The following SLC7A2 variants were observed in gnomAD, a reference collection of about 807,000 sequenced individuals.
SLC7A2 encodes the protein cationic amino acid transporter 2.
A neutral mutation model predicts 58.9 loss-of-function variants in SLC7A2; 48 were observed. That is an observed-to-expected ratio of 0.82 (90% CI 0.65 to 1.04). The LOEUF is 1.04. Among genes scored for constraint, SLC7A2 ranks in the 50% least tolerant of loss-of-function variants. The pLI, the probability that SLC7A2 is intolerant of heterozygous loss-of-function variation, is 0.00. For missense variants in SLC7A2, 1,029 were observed against 818.8 expected (o/e 1.26, Z -3.13); for synonymous variants, 363 against 314.5 (o/e 1.15, Z -1.63).
chr8:17,538,671 G>A, intron 2 of SLC7A2: 3 of 730,232 alleles, frequency 4.1e-6, no homozygotes, highest in Non-Finnish European at 4.2e-6. Flanking sequence ...TAACATTGTA[G>A]AAACGTTGGG....
chr8:17,519,396 T>C (rs1800927305), intron 2 of SLC7A2, among the ~76,000 whole-genome samples: 1 of 152,170 alleles, frequency 6.6e-6, no homozygotes, highest in Non-Finnish European at 1.5e-5. Flanking sequence ...TTATCAGAAC[T>C]CTTCTGAAAT....
intron 2 of SLC7A2, among the ~76,000 whole-genome samples, chr8:17,509,112 T>C (rs921966907): frequency 1.3e-5 from 2 of 152,136 alleles, no homozygotes; most frequent in Admixed American, 1.3e-4. Context: ...AATTGAAAGT[T>C]CGAGTCATCT....
intron 2 of SLC7A2, among the ~76,000 whole-genome samples, chr8:17,538,092 G>A (rs1283621193): frequency 1.3e-5 from 2 of 152,170 alleles, no homozygotes; most frequent in Non-Finnish European, 2.9e-5. Flanking sequence ...TTTGTTGAAT[G>A]TCTTTGGGAA....
chr8:17,543,530 C>G lies in SLC7A2; in HGVS notation c.191C>G (p.Ser64Trp). The G allele has an allele frequency of 6.2e-7, 1 of 1,613,246 alleles. No homozygotes were observed. Among genetic ancestry groups the G allele is most frequent in the Non-Finnish European group, 8.5e-7 (1 of 1,179,552 alleles). The change falls in exon 3 of 13, where the codon TCG (serine) becomes TGG (tryptophan). Residue 64 changes from serine to tryptophan, a missense_variant. Ser to Trp is a radical substitution (Grantham distance 177, BLOSUM62 -3). Transcript: ENST00000494857. ...VLAGEVAKADSGPSIVVSFLI... is the reference protein window; with the variant it reads ...VLAGEVAKADWGPSIVVSFLI... Reference sequence around the variant, plus strand: ...GCTGGGGAGGTGGCCAAGGCAGACTCGGGCCCCAGCATCGTGGTGTCCTTC... The same window carrying G: ...GCTGGGGAGGTGGCCAAGGCAGACTGGGGCCCCAGCATCGTGGTGTCCTTC...
rs1469206812 is a variant in SLC7A2 at position 17,540,783 on chromosome 8, A to C, written c.-22-2535A>C. ...TTTTTCTTTAGAAATTTCACAAATA[A>C]CATCATAATCACAGTACCAGGAAAA... On this transcript the variant is annotated intron_variant, in intron 2 of 12. Transcript: ENST00000494857. Among the ~76,000 whole-genome samples, 3 of 152,220 alleles carry C rather than the reference A, an allele frequency of 2.0e-5. No homozygotes were observed. In the East Asian group the frequency reaches 5.8e-4, roughly 29 times the overall value.
intron 8 of SLC7A2, 152 bp downstream of exon 8, chr8:17,554,851 C>T: frequency 6.8e-7 from 1 of 1,479,590 alleles, no homozygotes; most frequent in Non-Finnish European, 9.1e-7. Context: ...TTTTTTGGTT[C>T]TGCATTTTCG....
intron 2 of SLC7A2, among the ~76,000 whole-genome samples, chr8:17,527,550 A>G (rs144177558): frequency 2.6e-3 from 393 of 152,344 alleles, no homozygotes; most frequent in African/African-American, 9.3e-3. Flanking sequence ...GAAGTCCAAA[A>G]TCAAGGTGGC....
intron 1 of SLC7A2, among the ~76,000 whole-genome samples, chr8:17,497,678 GTCCCCGAAGCCGCCTTCGC>G (rs1800007788): frequency 6.6e-6 from 1 of 152,220 alleles, no homozygotes; most frequent in Non-Finnish European, 1.5e-5. Flanking sequence ...CGCTGCCGGG[GTCCCCGAAGCCGCCTTCGC>G]TCCTTTTCGG....
intron 5 of SLC7A2, among the ~76,000 whole-genome samples, chr8:17,549,697 G>T (rs949529044): frequency 1.3e-5 from 2 of 152,128 alleles, no homozygotes; most frequent in Non-Finnish European, 2.9e-5. Context: ...AATATCTATT[G>T]CATGGAATGG....
chr8:17,527,252 C>T (rs561214181), intron 2 of SLC7A2, among the ~76,000 whole-genome samples: 8 of 152,100 alleles, frequency 5.3e-5, no homozygotes, highest in African/African-American at 1.7e-4. Flanking sequence ...AAGAGGACCA[C>T]GCTATATAGA....
At chr8:17,495,889 T>C (rs1015123410), upstream of SLC7A2, among the ~76,000 whole-genome samples, 1 of 152,224 alleles carries the variant, frequency 6.6e-6, no homozygotes. Context: ...GATGGCTTCC[T>C]GAGATACATT....
intron 4 of SLC7A2, 39 bp downstream of exon 4, chr8:17,544,645 C>G (rs769326122): frequency 6.3e-7 from 1 of 1,577,642 alleles, no homozygotes; most frequent in South Asian, 1.1e-5. Context: ...GAATGAGCCA[C>G]ACTATTTGTC....
intron 2 of SLC7A2, among the ~76,000 whole-genome samples, chr8:17,514,534 G>A (rs977334136): frequency 2.0e-5 from 3 of 152,104 alleles, no homozygotes; most frequent in Non-Finnish European, 4.4e-5. Flanking sequence ...GACCCTGGAA[G>A]CTAATTCTAG....
Position 17,563,475 on chromosome 8 carries a change from C to T in SLC7A2, c.1672-128C>T, listed in dbSNP as rs1340445359. 22 of 635,228 alleles carry T rather than the reference C, an allele frequency of 3.5e-5. No individual in the cohort carries two copies. The Middle Eastern group carries it at 1.1e-3, about 32-fold the overall frequency. The allele number at this position is 635,228 out of a possible 1,614,324, so 39.3% of individuals were successfully genotyped here. A position where few individuals can be genotyped will look rare whatever the true frequency, so the allele number is the denominator to read the frequency against. ...ATTCTCCTTTTATGGTCTCTAGAAG[C>T]GTGGTTTTAACTGTGATTGACGTGG... On this transcript the variant is annotated intron_variant, in intron 11 of 12. Transcript: ENST00000494857.
chr8:17,503,908 C>CTT (rs1800266675), intron 2 of SLC7A2, among the ~76,000 whole-genome samples: 1 of 152,156 alleles, frequency 6.6e-6, no homozygotes, highest in South Asian at 2.1e-4. Flanking sequence ...TCTGGGGAAA[C>CTT]CTAGAAGGAG....
chr8:17,538,572 A>G lies in SLC7A2; in HGVS notation c.-22-4746A>G, dbSNP rs145822386. Among the ~76,000 whole-genome samples, 452 of 152,352 alleles carry G rather than the reference A, an allele frequency of 3.0e-3. 1 individual carries two copies. Among genetic ancestry groups the G allele is most frequent in the African/African-American group, 0.01 (422 of 41,570 alleles). ...AAACTTAGCAAAAAGAATAAAAGTC[A>G]ATAAATCCATGGTATCATGGCTATA... On this transcript the variant is annotated intron_variant, in intron 2 of 12. Transcript: ENST00000494857.
At chr8:17,556,855 C>T (rs541330163) in intron 8 of SLC7A2, among the ~76,000 whole-genome samples, 2 of 152,154 alleles carry the variant, frequency 1.3e-5, no homozygotes, top group Admixed American at 6.5e-5. Flanking sequence ...GTGATCTGCC[C>T]GGCCCCGCCT....
In SLC7A2 at chr8:17,497,117, C is replaced by T. The variant is rs960017886; in HGVS notation, c.-189C>T. The T allele has an allele frequency of 2.0e-5, 3 of 151,348 alleles. No individual in the cohort carries two copies. Among genetic ancestry groups the T allele is most frequent in the Middle Eastern group, 3.4e-3 (1 of 292 alleles). The allele number at this position is 151,348 out of a possible 1,614,324, so 9.4% of individuals were successfully genotyped here. On this transcript the variant is annotated 5_prime_UTR_variant, in exon 1 of 13. Transcript: ENST00000494857. ...TTCTGCAGCGCGGCCGGCGGGCGCTCCTCTTCGCGGGACCAGCGAGGCGGC... is the reference window on the plus strand; with the variant it reads ...TTCTGCAGCGCGGCCGGCGGGCGCTTCTCTTCGCGGGACCAGCGAGGCGGC...
intron 2 of SLC7A2, among the ~76,000 whole-genome samples, chr8:17,524,835 A>C (rs1801160440): frequency 6.6e-6 from 1 of 152,034 alleles, no homozygotes. Flanking sequence ...AGGGATTAAC[A>C]TACAGAGCCA....
Sources: gnomAD v4.1 joint callset for allele counts (sites outside exome capture counted in the v4.1 genomes callset) on GRCh38, gnomAD v4.1.1 for gene constraint, MANE v1.5 for transcripts, NCBI Gene and HGNC (gene_info 2026-07-23, HGNC 2026-07-21) for gene names.